The following BTNL9 variants were observed in gnomAD, a reference collection of about 807,000 sequenced individuals.
BTNL9 encodes butyrophilin like 9, also known as butyrophilin-like protein 9.
BTNL9 carries 45 observed loss-of-function variants against 45.8 expected under a neutral mutation model. The observed-to-expected ratio is 0.98, with a 90% confidence interval of 0.77 to 1.26. The LOEUF is 1.26. Ranked by LOEUF, BTNL9 falls within the 50% of genes most tolerant of loss-of-function variation. The probability of loss-of-function intolerance (pLI) is 0.00; values close to 1 mark genes in which losing one functional copy is unlikely to be tolerated. For synonymous variants in BTNL9, 346 were observed against 330.8 expected, an observed-to-expected ratio of 1.05 and a Z score of -0.50; for missense variants, 784 against 729.7, an observed-to-expected ratio of 1.07 and a Z score of -0.86.
Position 181,053,314 on chromosome 5 carries a change from G to T in BTNL9, c.851G>T (p.Arg284Leu). Residue 284 changes from arginine to leucine, a missense_variant and splice_region_variant, in exon 5 of 11, where the codon CGA becomes CTA. Arg to Leu is a moderately radical substitution (Grantham distance 102). Transcript: ENST00000327705. The surrounding 1 kb of genome is among the most constrained non-coding windows in gnomAD (Gnocchi z 6.5). ...GTCCTCCGGAAGCAGCGGAGAAGCC[G>T]AGGTACCGGCGCGGGCGGCGGGGCG... Reference protein sequence around the residue: ...LGVLRKQRRSREKLRKQAEKR... With the variant: ...LGVLRKQRRSLEKLRKQAEKR... The T allele has an allele frequency of 6.4e-7, 1 of 1,561,448 alleles. No homozygotes were observed. The highest frequency in any genetic ancestry group is 1.2e-5 in the South Asian group (1 of 85,404).
rs922575323 is a variant in BTNL9 at position 181,053,240 on chromosome 5, C to T, written c.777C>T (p.Phe259=). 7.6e-6 allele frequency: 12 copies of T among 1,588,606 alleles called. No homozygotes were observed. Among genetic ancestry groups the T allele is most frequent in the African/African-American group, 4.2e-5 (3 of 71,730 alleles). ...VPGASAWKSA[F]VATLPLLLVL... ...GAGCCTCTGCGTGGAAGAGCGCGTT[C>T]GTCGCGACCCTGCCGCTGCTGTTGG... Residue 259 remains phenylalanine (F), a synonymous_variant, in exon 5 of 11, where the codon TTC becomes TTT. Coordinates refer to ENST00000327705, the MANE Select transcript of BTNL9 (RefSeq NM_152547.5). The surrounding 1 kb of genome is among the most constrained non-coding windows in gnomAD (Gnocchi z 6.5).
At chr5:181,051,098 A>AC (rs962110367) in intron 4 of BTNL9, among the ~76,000 whole-genome samples, 1 of 151,784 alleles carries the variant, frequency 6.6e-6, no homozygotes, top group Non-Finnish European at 1.5e-5. Flanking sequence ...ACAAAAAAAA[A>AC]AAAAACAAGA....
chr5:181,053,837 C>T lies in BTNL9; in HGVS notation c.886+336C>T, dbSNP rs2113230136. ...GCCAGCGCCACCTCGTCCAGGTTTT[C>T]ATAGCGCACAGGGAGTCGGGCGGAT... On this transcript the variant is annotated intron_variant, in intron 6 of 10. Transcript: ENST00000327705. This position sits in a 1 kb window ranked among gnomAD's most constrained non-coding sequence, Gnocchi z 6.5. 6.6e-7 allele frequency: 1 copy of T among 1,513,608 alleles called. No individual in the cohort carries two copies. The highest frequency in any genetic ancestry group is 1.2e-5 in the South Asian group (1 of 83,016). The allele number at this position is 1,513,608 out of a possible 1,614,324, so 93.8% of individuals were successfully genotyped here. A position where few individuals can be genotyped will look rare whatever the true frequency, so the allele number is the denominator to read the frequency against.
rs190760735 is a variant in BTNL9, at chr5:181,046,222, C to T, written c.109+624C>T. Among the ~76,000 whole-genome samples, 3 of 134,746 alleles carry T rather than the reference C, an allele frequency of 2.2e-5. No individual in the cohort carries two copies. In the South Asian group the frequency reaches 7.2e-4, roughly 32 times the overall value. 88.4% of individuals were successfully genotyped at this position (134,746 alleles called of 152,430 possible). On this transcript the variant is annotated intron_variant, in intron 2 of 10. Transcript: ENST00000327705. ...CCTCCACCATCTCCCCAGCCCCCAA[C>T]ACCTCCTCCACCATCTCCCCAGCCT...
rs998911010 is a variant in BTNL9, at chr5:181,055,073, G to A, written c.908-360G>A. 3.8e-5 allele frequency: 41 copies of A among 1,090,466 alleles called. No individual in the cohort carries two copies. Among genetic ancestry groups the A allele is most frequent in the South Asian group, 2.3e-4 (6 of 26,250 alleles). The allele number at this position is 1,090,466 out of a possible 1,614,324, so 67.5% of individuals were successfully genotyped here. On this transcript the variant is annotated intron_variant, in intron 7 of 10. Coordinates refer to ENST00000327705, the MANE Select transcript of BTNL9 (RefSeq NM_152547.5). This position sits in a 1 kb window ranked among gnomAD's most constrained non-coding sequence, Gnocchi z 4.4. ...CCCGGTGAGTGACCGTGAGGCTCAC[G>A]TAGGCGGCCCTCAGTGCCTGCACTT...
chr5:181,051,322 C>T (rs1398278692), intron 4 of BTNL9, among the ~76,000 whole-genome samples: 1 of 152,120 alleles, frequency 6.6e-6, no homozygotes, highest in Non-Finnish European at 1.5e-5. Flanking sequence ...AACATACGGG[C>T]CACTTTTCAC....
Position 181,055,634 on chromosome 5 carries a change from C to T in BTNL9, c.928+181C>T, listed in dbSNP as rs1467500089. 2.0e-5 allele frequency: 15 copies of T among 740,954 alleles called. No homozygotes were observed. The highest frequency in any genetic ancestry group is 1.2e-4 in the African/African-American group (7 of 57,118). 45.9% of individuals were successfully genotyped at this position (740,954 alleles called of 1,614,324 possible). On this transcript the variant is annotated intron_variant, in intron 8 of 10. Coordinates refer to ENST00000327705, the MANE Select transcript of BTNL9 (RefSeq NM_152547.5). The surrounding 1 kb of genome is among the most constrained non-coding windows in gnomAD (Gnocchi z 4.4). Reference sequence around the variant, plus strand: ...AATACAAAAAATTAGCCCGGCGTGGCGGCATGTGCCTGTAGTCCCAGCTAC... The same window carrying T: ...AATACAAAAAATTAGCCCGGCGTGGTGGCATGTGCCTGTAGTCCCAGCTAC...
intron 7 of BTNL9, 182 bp downstream of exon 7, chr5:181,054,441 G>T: frequency 2.0e-6 from 2 of 985,418 alleles, no homozygotes; most frequent in Middle Eastern, 5.2e-4. Context: ...CCGTGCAGCT[G>T]CCCGAGACCC....
chr5:181,059,192 GC>G, intron 10 of BTNL9, 44 bp from the exon 11 acceptor site: 1 of 1,471,752 alleles, frequency 6.8e-7, no homozygotes, highest in Non-Finnish European at 8.9e-7. Context: ...CACGGACGGG[GC>G]CCAGACCGTC....
intron 1 of BTNL9, among the ~76,000 whole-genome samples, chr5:181,045,183 C>T (rs1761028802): frequency 6.6e-6 from 1 of 152,208 alleles, no homozygotes; most frequent in African/African-American, 2.4e-5. Flanking sequence ...TGGCTCTAAA[C>T]AATAAGCAGC....
intron 2 of BTNL9, chr5:181,047,408 A>C (rs971514172): frequency 2.7e-5 from 20 of 754,676 alleles, no homozygotes; most frequent in Non-Finnish European, 8.1e-6. Context: ...GAAGCTGTAC[A>C]TGTGAATTAT....
intron 6 of BTNL9, 23 bp from the exon 7 acceptor site, chr5:181,054,216 C>T: frequency 3.9e-6 from 6 of 1,552,756 alleles, no homozygotes; most frequent in Admixed American, 3.7e-5. Flanking sequence ...TTTTCTTCAT[C>T]TTTTTTTTTT....
intron 9 of BTNL9, 146 bp downstream of exon 9, chr5:181,056,161 G>A: frequency 1.1e-6 from 1 of 936,746 alleles, no homozygotes; most frequent in Non-Finnish European, 1.7e-6. Context: ...CTGGGTAGAG[G>A]TCATACTCTG....
At chr5:181,048,316 G>T in intron 3 of BTNL9, 45 bp downstream of exon 3, 1 of 1,512,708 alleles carries the variant, frequency 6.6e-7, no homozygotes, top group Non-Finnish European at 9.0e-7. Flanking sequence ...GGGAGATCCA[G>T]GTGCTTTGCC....
intron 4 of BTNL9, among the ~76,000 whole-genome samples, chr5:181,052,469 G>A (rs1180605883): frequency 6.6e-6 from 1 of 152,174 alleles, no homozygotes; most frequent in Non-Finnish European, 1.5e-5. Context: ...TGGTTAAGAT[G>A]GGAAAGGTTG....
intron 10 of BTNL9, 37 bp from the exon 11 acceptor site, chr5:181,059,200 C>G (rs894865464): frequency 4.7e-6 from 7 of 1,479,234 alleles, no homozygotes; most frequent in Non-Finnish European, 6.2e-6. Flanking sequence ...GGGCCCAGAC[C>G]GTCCCGGGCG....
Position 181,053,030 on chromosome 5 carries a change from C to T in BTNL9, c.737-170C>T, listed in dbSNP as rs1206475724. 2 of 259,610 alleles carry T rather than the reference C, an allele frequency of 7.7e-6. No individual in the cohort carries two copies. Among genetic ancestry groups the T allele is most frequent in the Admixed American group, 6.1e-5 (1 of 16,378 alleles). The allele number at this position is 259,610 out of a possible 1,614,324, so 16.1% of individuals were successfully genotyped here. On this transcript the variant is annotated intron_variant, in intron 4 of 10. Transcript: ENST00000327705. The surrounding 1 kb of genome is among the most constrained non-coding windows in gnomAD (Gnocchi z 6.5). ...CCGCCCCCTCCGCCGCGCGCGCCCC[C>T]GCCCCCTCCGCCGCGCGCGCTCCCG... is the stretch of plus-strand genomic sequence containing the variant.
chr5:181,043,782 T>C (rs1462392682), intron 1 of BTNL9, among the ~76,000 whole-genome samples: 1 of 152,214 alleles, frequency 6.6e-6, no homozygotes, highest in Non-Finnish European at 1.5e-5. Context: ...GCACAACCAG[T>C]GTAGACCCCT....
At chr5:181,054,288 T>G in intron 7 of BTNL9, 29 bp downstream of exon 7, 1 of 1,610,846 alleles carries the variant, frequency 6.2e-7, no homozygotes, top group Non-Finnish European at 8.5e-7. Flanking sequence ...GCCACAGTGC[T>G]GCCTGTCAGC....
Sources: allele counts gnomAD v4.1 joint callset (sites outside exome capture counted in the v4.1 genomes callset), GRCh38; gene constraint gnomAD v4.1.1; non-coding constraint Gnocchi (gnomAD v3.1); transcripts MANE v1.5; gene names NCBI Gene and HGNC (gene_info 2026-07-23, HGNC 2026-07-21).